Variants in GPHN observed in about 807,000 individuals in gnomAD.
The protein encoded by GPHN is gephyrin.
GPHN carries 17 observed loss-of-function variants against 95.5 expected under a neutral mutation model. The observed-to-expected ratio is 0.18, with a 90% CI of 0.12 to 0.27. GPHN has a LOEUF of 0.27. Ranked by LOEUF, GPHN falls within the 10% of genes least tolerant of loss-of-function variation. The probability of loss-of-function intolerance (pLI) is 1.00; values close to 1 mark genes in which losing one functional copy is unlikely to be tolerated. For missense variants in GPHN, 660 were observed against 978.1 expected, an observed-to-expected ratio of 0.67 and a Z score of 4.34; for synonymous variants, 320 against 322.5, an observed-to-expected ratio of 0.99 and a Z score of 0.08.
chr14:66,591,139 A>G (rs2061625997), intron 1 of GPHN, among the ~76,000 whole-genome samples: 1 of 152,214 alleles, frequency 6.6e-6, no homozygotes, highest in Non-Finnish European at 1.5e-5. Flanking sequence ...TAAACTTGGT[A>G]TTGATGAAAC....
the GPHN span, chr14:67,241,069 G>A: frequency 6.6e-6 from 1 of 152,318 alleles, no homozygotes; most frequent in South Asian, 2.1e-4. Flanking sequence ...GCCAAATCCC[G>A]AAGGGGCTCT....
chr14:67,115,753 T>C (rs1460978122), intron 16 of GPHN, among the ~76,000 whole-genome samples: 3 of 151,512 alleles, frequency 2.0e-5, no homozygotes, highest in East Asian at 1.9e-4. Context: ...AAAAAAGATA[T>C]ATATGGTTTC....
chr14:67,323,739 A>G, the GPHN span: 9 of 1,602,198 alleles, frequency 5.6e-6, no homozygotes, highest in African/African-American at 1.4e-5. Flanking sequence ...TTGAAACCAT[A>G]TATTATCTTC....
chr14:67,553,343 A>C, the GPHN span, among the ~76,000 whole-genome samples: 1 of 152,066 alleles, frequency 6.6e-6, no homozygotes, highest in South Asian at 2.1e-4. Context: ...AATGCTCCTC[A>C]TCATTGCATT....
intron 10 of GPHN, among the ~76,000 whole-genome samples, chr14:67,051,035 T>G (rs1384436306): frequency 6.6e-6 from 1 of 151,200 alleles, no homozygotes; most frequent in Non-Finnish European, 1.5e-5. Context: ...CACAGAACTG[T>G]GCAGATTCTT....
chr14:67,373,842 AGT>A, the GPHN span, among the ~76,000 whole-genome samples: 7,549 of 145,382 alleles, frequency 0.052, 276 homozygotes, highest in African/African-American at 0.1. Context: ...TAATTTGTTC[AGT>A]GTGTGTGTGT....
chr14:66,787,858 T>TTTTATATA (rs553261342), intron 3 of GPHN, among the ~76,000 whole-genome samples: 1 of 150,530 alleles, frequency 6.6e-6, no homozygotes, highest in South Asian at 2.1e-4. Flanking sequence ...ATAAAAAGTA[T>TTTTATATA]TATATATATA....
At chr14:67,067,090 G>A (rs546605044) in intron 11 of GPHN, among the ~76,000 whole-genome samples, 42 of 152,166 alleles carry the variant, frequency 2.8e-4, no homozygotes, top group Non-Finnish European at 5.0e-4. Flanking sequence ...GGTCTTTGAC[G>A]TTGGTGACCT....
intron 9 of GPHN, chr14:66,985,760 T>C: frequency 6.9e-7 from 1 of 1,443,646 alleles, no homozygotes; most frequent in Non-Finnish European, 9.4e-7. Context: ...TCTAACATTT[T>C]TTGGCAAGAT....
the GPHN span, among the ~76,000 whole-genome samples, chr14:67,528,571 A>G: frequency 6.6e-6 from 1 of 152,206 alleles, no homozygotes; most frequent in African/African-American, 2.4e-5. Flanking sequence ...AAAATGATCT[A>G]GAATTGCAGT....
the GPHN span, chr14:67,338,666 A>G: frequency 6.2e-7 from 1 of 1,614,160 alleles, no homozygotes; most frequent in Non-Finnish European, 8.5e-7. Context: ...CCAGAAGATT[A>G]GCAGGCTCCA....
chr14:67,642,180 T>C, the GPHN span: 1 of 1,613,026 alleles, frequency 6.2e-7, no homozygotes, highest in East Asian at 2.2e-5. Flanking sequence ...CCTCATTTGC[T>C]TCCAGGCTGC....
intron 10 of GPHN, among the ~76,000 whole-genome samples, chr14:67,028,635 CATAT>C (rs1292129635): frequency 6.6e-6 from 1 of 152,142 alleles, no homozygotes; most frequent in Non-Finnish European, 1.5e-5. Flanking sequence ...GGCATTTTTT[CATAT>C]ACCTATTGGC....
chr14:67,284,548 A>AT, the GPHN span, among the ~76,000 whole-genome samples: 1 of 46,334 alleles, frequency 2.2e-5, no homozygotes, highest in Admixed American at 2.3e-4. Flanking sequence ...CTGCAGTGCT[A>AT]AAAAAAAAAA....
intron 17 of GPHN, among the ~76,000 whole-genome samples, chr14:67,127,700 A>G (rs1178724278): frequency 6.6e-6 from 1 of 152,254 alleles, no homozygotes; most frequent in African/African-American, 2.4e-5. Context: ...GCCAAAGGCT[A>G]TGGAAGATAC....
At chr14:66,868,554 G>A (rs1347519224) in intron 4 of GPHN, among the ~76,000 whole-genome samples, 1 of 151,904 alleles carries the variant, frequency 6.6e-6, no homozygotes, top group African/African-American at 2.4e-5. Flanking sequence ...CCACCACGCC[G>A]GGCTAATTTT....
At chr14:67,165,138 CA>C (rs1479551799) in intron 19 of GPHN, 23 bp from the exon 20 acceptor site, 1 of 1,542,880 alleles carries the variant, frequency 6.5e-7, no homozygotes, top group South Asian at 1.1e-5. Context: ...CAATCACTAA[CA>C]AGTGACTCTT....
the GPHN span, among the ~76,000 whole-genome samples, chr14:67,363,801 A>C: frequency 1.3e-5 from 2 of 152,218 alleles, no homozygotes; most frequent in Non-Finnish European, 2.9e-5. Context: ...AATTTTCACA[A>C]GGTTTTCTTA....
At chr14:66,685,243 T>G (rs1042045132) in intron 2 of GPHN, among the ~76,000 whole-genome samples, 2 of 152,210 alleles carry the variant, frequency 1.3e-5, no homozygotes, top group Non-Finnish European at 2.9e-5. Context: ...CAGCATGACT[T>G]ATAATCCTTT....
Sources: gnomAD v4.1 joint callset for allele counts (sites outside exome capture counted in the v4.1 genomes callset) on GRCh38, gnomAD v4.1.1 for gene constraint, MANE v1.5 for transcripts, NCBI Gene and HGNC (gene_info 2026-07-23, HGNC 2026-07-21) for gene names.